GTF3C2: variants seen among roughly 807,000 people sequenced by gnomAD.
GTF3C2 encodes general transcription factor 3C polypeptide 2.
GTF3C2 carries 17 observed loss-of-function variants against 117.4 expected under a neutral mutation model. That is an observed-to-expected ratio of 0.14 (90% CI 0.10 to 0.22). The LOEUF is 0.22. Among genes scored for constraint, GTF3C2 ranks in the 10% least tolerant of loss-of-function variants. The pLI is 1.00. For missense variants in GTF3C2, 888 were observed against 1,143.6 expected, an observed-to-expected ratio of 0.78 and a Z score of 3.22; for synonymous variants, 437 against 427.0, an observed-to-expected ratio of 1.02 and a Z score of -0.29.
At chr2:27,337,029 T>C (rs1680507674) in intron 7 of GTF3C2, among the ~76,000 whole-genome samples, 1 of 152,186 alleles carries the variant, frequency 6.6e-6, no homozygotes, top group South Asian at 2.1e-4. Flanking sequence ...GTGAACTGCT[T>C]TGGCCCCTAA....
At chr2:27,334,412 C>T (rs1282882422) in intron 10 of GTF3C2, among the ~76,000 whole-genome samples, 2 of 152,040 alleles carry the variant, frequency 1.3e-5, no homozygotes, top group Non-Finnish European at 2.9e-5. Flanking sequence ...AGAGCAATCC[C>T]TTCACTCTAC....
chr2:27,341,406 CAT>C (rs1680725491), intron 4 of GTF3C2: 1 of 152,672 alleles, frequency 6.5e-6, no homozygotes, highest in South Asian at 2.1e-4. Context: ...CAAAAAAAAC[CAT>C]AAACAAAAAC....
chr2:27,326,803 C>T (rs765427783), exon 19 of GTF3C2: 31 of 1,613,450 alleles, frequency 1.9e-5, no homozygotes, highest in African/African-American at 5.3e-5. Context: ...AGTGGGGAGG[C>T]GAGTCCACGG....
chr2:27,352,974 C>A (rs1392772403), intron 1 of GTF3C2, among the ~76,000 whole-genome samples: 2 of 152,198 alleles, frequency 1.3e-5, no homozygotes. Context: ...ACCTATTTGG[C>A]AGCTTTTTTG....
exon 3 of GTF3C2, chr2:27,342,893 G>C (rs1558620127): frequency 5.0e-6 from 8 of 1,614,206 alleles, no homozygotes; most frequent in Non-Finnish European, 6.8e-6. Context: ...GGCCTCTTTG[G>C]AGATTGAGAT....
chr2:27,336,922 C>G (rs1284781583), intron 7 of GTF3C2, among the ~76,000 whole-genome samples: 1 of 152,198 alleles, frequency 6.6e-6, no homozygotes, highest in Admixed American at 6.5e-5. Flanking sequence ...CAAAGTCTGT[C>G]TAACTCCAGC....
chr2:27,342,902 A>G, exon 3 of GTF3C2: 1 of 1,614,162 alleles, frequency 6.2e-7, no homozygotes, highest in Non-Finnish European at 8.5e-7. Flanking sequence ...GGAGATTGAG[A>G]TTCTGGCCGA....
chr2:27,329,565 T>G lies in GTF3C2; in HGVS notation c.1733-42A>C. ...ATGTGTGAGCATTAAAAGCAAGTTC[T>G]CTCTTCCTTGCTCTAATTTCTTTCT... On this transcript the variant is annotated intron_variant, in intron 12 of 18. Coordinates refer to ENST00000264720, the Ensembl canonical transcript of GTF3C2. The surrounding 1 kb of genome is among the most constrained non-coding windows in gnomAD (Gnocchi z 4.5). 1 of 1,601,098 alleles carries G rather than the reference T, an allele frequency of 6.2e-7. No individual in the cohort carries two copies. The highest frequency in any genetic ancestry group is 8.5e-7 in the Non-Finnish European group (1 of 1,170,256).
exon 3 of GTF3C2, chr2:27,342,996 G>A (rs183183884): frequency 6.2e-7 from 1 of 1,614,210 alleles, no homozygotes; most frequent in East Asian, 2.2e-5. Flanking sequence ...TGGACAGAGG[G>A]TTGGATTGAT....
chr2:27,342,653 T>C, intron 3 of GTF3C2, 173 bp downstream of exon 3: 2 of 606,294 alleles, frequency 3.3e-6, no homozygotes, highest in Non-Finnish European at 3.0e-6. Flanking sequence ...AAGTTAGCAA[T>C]ACATACCATT....
intron 18 of GTF3C2, 59 bp downstream of exon 18, chr2:27,327,118 G>T: frequency 1.1e-6 from 1 of 931,806 alleles, no homozygotes; most frequent in Non-Finnish European, 1.7e-6. Flanking sequence ...CATTTCATCA[G>T]CCCCAGGCCC....
intron 1 of GTF3C2, among the ~76,000 whole-genome samples, chr2:27,346,852 G>GC (rs1158143034): frequency 6.6e-6 from 1 of 151,508 alleles, no homozygotes; most frequent in East Asian, 1.9e-4. Context: ...GCACCAATAC[G>GC]CCCAGATACG....
At chr2:27,351,580 G>C (rs1219092315) in intron 1 of GTF3C2, among the ~76,000 whole-genome samples, 3 of 152,150 alleles carry the variant, frequency 2.0e-5, no homozygotes, top group Non-Finnish European at 4.4e-5. Flanking sequence ...TCCTGATCCA[G>C]AACCTCATCA....
At chr2:27,346,330 C>CTTT (rs144256545) in intron 1 of GTF3C2, among the ~76,000 whole-genome samples, 4 of 64,302 alleles carry the variant, frequency 6.2e-5, no homozygotes, top group African/African-American at 1.2e-4. Context: ...ATTCTGATAC[C>CTTT]TTTTTTTTTT....
rs377607194 is a variant in GTF3C2 at position 27,342,800 on chromosome 2, A to G, written c.569+26T>C. 322 of 1,580,598 alleles carry G rather than the reference A, an allele frequency of 2.0e-4. 1 individual carries two copies. The highest frequency in any genetic ancestry group is 2.6e-4 in the Non-Finnish European group (305 of 1,154,876). On this transcript the variant is annotated intron_variant, in intron 3 of 18. Transcript: ENST00000264720. ...TGATCCCTTCACCCAACCCCCCTCC[A>G]CCAAGCTATGCCCCACAATCCTTAC...
intron 1 of GTF3C2, among the ~76,000 whole-genome samples, chr2:27,352,471 T>TGTGTTCTAGCCCCATTCC (rs1681170623): frequency 6.6e-6 from 1 of 152,188 alleles, no homozygotes; most frequent in Non-Finnish European, 1.5e-5. Context: ...ACCTTTCACT[T>TGTGTTCTAGCCCCATTCC]GTGTTCTAGC....
exon 17 of GTF3C2, chr2:27,328,163 C>G (rs375864086): frequency 2.5e-6 from 4 of 1,592,694 alleles, no homozygotes; most frequent in Admixed American, 3.8e-5. Flanking sequence ...TGTCCTGATA[C>G]GGTATCAGAT....
intron 1 of GTF3C2, among the ~76,000 whole-genome samples, chr2:27,347,538 C>T (rs1680960217): frequency 6.6e-6 from 1 of 152,068 alleles, no homozygotes; most frequent in South Asian, 2.1e-4. Flanking sequence ...CTACCCCATT[C>T]AAAATTAGTC....
At chr2:27,345,630 T>C (rs1680889811) in intron 1 of GTF3C2, among the ~76,000 whole-genome samples, 1 of 151,890 alleles carries the variant, frequency 6.6e-6, no homozygotes, top group African/African-American at 2.4e-5. Flanking sequence ...TCTGGTGCCC[T>C]GCTATCAATA....
Sources: allele counts gnomAD v4.1 joint callset (sites outside exome capture counted in the v4.1 genomes callset), GRCh38; gene constraint gnomAD v4.1.1; non-coding constraint Gnocchi (gnomAD v3.1); transcripts MANE v1.5; gene names NCBI Gene and HGNC (gene_info 2026-07-23, HGNC 2026-07-21).